The following SREBF2 variants were observed in gnomAD, a reference collection of about 807,000 sequenced individuals.
SREBF2 encodes sterol regulatory element-binding protein 2.
Under a neutral mutation model 113.1 loss-of-function variants are expected in SREBF2, and 55 were observed. That is an observed-to-expected ratio of 0.49 (90% confidence interval 0.39 to 0.61). The LOEUF is 0.61. SREBF2 is among the 20% of genes least tolerant of loss of function. SREBF2 has a pLI of 0.00. For synonymous variants in SREBF2, 593 were observed against 605.7 expected, an observed-to-expected ratio of 0.98 and a Z score of 0.31; for missense variants, 1,349 against 1,487.4, an observed-to-expected ratio of 0.91 and a Z score of 1.53.
In SREBF2 at chr22:41,893,393, G is replaced by A. The variant is rs2077382773; in HGVS notation, c.2377+108G>A. On this transcript the variant is annotated intron_variant, in intron 12 of 18. Coordinates refer to ENST00000361204, the MANE Select transcript of SREBF2 (RefSeq NM_004599.4). ...GAGACACGGGTTGTCTCTTAATCTT[G>A]TTGAGTCCGTTTGTTTGTTTGTTTG... The A allele has an allele frequency of 2.4e-6, 3 of 1,251,360 alleles. No homozygotes were observed. The East Asian group carries it at 7.1e-5, about 29-fold the overall frequency. The allele number at this position is 1,251,360 out of a possible 1,614,324, so 77.5% of individuals were successfully genotyped here. A position where few individuals can be genotyped will look rare whatever the true frequency, so the allele number is the denominator to read the frequency against.
intron 1 of SREBF2, among the ~76,000 whole-genome samples, chr22:41,836,544 TC>T (rs1385869877): frequency 6.6e-6 from 1 of 152,226 alleles, no homozygotes; most frequent in Admixed American, 6.5e-5. Flanking sequence ...ACCCCTGTGT[TC>T]CCATTACTGA....
intron 1 of SREBF2, among the ~76,000 whole-genome samples, chr22:41,862,577 G>C (rs1331762081): frequency 6.6e-6 from 1 of 152,158 alleles, no homozygotes; most frequent in Non-Finnish European, 1.5e-5. Flanking sequence ...ATGGCTCTCT[G>C]TGGAAATGAC....
intron 1 of SREBF2, among the ~76,000 whole-genome samples, chr22:41,857,722 G>A (rs966915405): frequency 2.6e-5 from 4 of 152,140 alleles, no homozygotes; most frequent in African/African-American, 9.7e-5. Context: ...ACTCTTCGCA[G>A]GAAGGTGACC....
chr22:41,833,213 C>G lies in SREBF2; in HGVS notation c.-58C>G, dbSNP rs548470517. ...GGTGTCATGGGCGGTGGCGACGGCA[C>G]CGCCCCCGCGTCTCCCTGAGCGGGA... On this transcript the variant is annotated 5_prime_UTR_variant, in exon 1 of 19. Transcript: ENST00000361204. This position sits in a 1 kb window ranked among gnomAD's most constrained non-coding sequence, Gnocchi z 4.1. 1 of 1,407,348 alleles carries G rather than the reference C, an allele frequency of 7.1e-7. No individual in the cohort carries two copies. Among genetic ancestry groups the G allele is most frequent in the African/African-American group, 1.5e-5 (1 of 67,076 alleles). 87.2% of individuals were successfully genotyped at this position (1,407,348 alleles called of 1,614,324 possible). A position where few individuals can be genotyped will look rare whatever the true frequency, so the allele number is the denominator to read the frequency against.
chr22:41,905,087 C>A, intron 18 of SREBF2, 113 bp downstream of exon 18: 2 of 1,023,720 alleles, frequency 2.0e-6, no homozygotes, highest in African/African-American at 1.6e-5. Context: ...CAGCACACCT[C>A]TCGCCTCTCT....
intron 1 of SREBF2, among the ~76,000 whole-genome samples, chr22:41,841,538 C>T (rs2076830448): frequency 6.6e-6 from 1 of 152,244 alleles, no homozygotes; most frequent in Non-Finnish European, 1.5e-5. Context: ...ACACCCAGGC[C>T]TTTGGCCTAA....
rs781038601 is a variant in SREBF2, at chr22:41,899,096, C to CA, written c.2738+316dup. ...GAAGAGACGAGAGCAGTGTGGCCCC[C>CA]AGCATCTTCAGAAGCTTTGTGGTGG... is the stretch of plus-strand genomic sequence containing the variant. On this transcript the variant is annotated intron_variant, in intron 15 of 18. Coordinates refer to ENST00000361204, the MANE Select transcript of SREBF2 (RefSeq NM_004599.4). 8.7e-4 allele frequency: 594 copies of CA among 685,422 alleles called. 2 individuals carry two copies. Among genetic ancestry groups the CA allele is most frequent in the Non-Finnish European group, 1.2e-3 (550 of 474,558 alleles). The allele number at this position is 685,422 out of a possible 1,614,324, so 42.5% of individuals were successfully genotyped here.
intron 1 of SREBF2, among the ~76,000 whole-genome samples, chr22:41,841,619 G>C (rs911122591): frequency 4.6e-5 from 7 of 151,852 alleles, no homozygotes; most frequent in South Asian, 2.1e-4. Flanking sequence ...TCATATTTTG[G>C]CATTTTAAAA....
chr22:41,870,294 A>C (rs1054934383), intron 3 of SREBF2, among the ~76,000 whole-genome samples: 5 of 152,164 alleles, frequency 3.3e-5, no homozygotes, highest in Non-Finnish European at 7.4e-5. Flanking sequence ...CTGCTGGGCC[A>C]CTGGCACCAC....
In SREBF2 at chr22:41,875,695, C is replaced by T. The variant is rs751580700; in HGVS notation, c.1357C>T (p.Pro453Ser). 2 of 1,614,202 alleles carry T rather than the reference C, an allele frequency of 1.2e-6. No individual in the cohort carries two copies. The highest frequency in any genetic ancestry group is 1.7e-6 in the Non-Finnish European group (2 of 1,180,036). ...GFSPYSIDSE[P>S]GSPLLDDAKV... The stretch of plus-strand genomic sequence containing the variant: ...CTCTCCCTACTCCATTGACTCTGAG[C>T]CAGGAAGCCCTCTATTGGATGATGC... The change falls in exon 7 of 19, where the codon CCA becomes TCA. Residue 453 changes from proline (P) to serine (S), a missense_variant. By Grantham distance (74) the Pro-to-Ser change is moderately conservative. Coordinates refer to ENST00000361204, the MANE Select transcript of SREBF2 (RefSeq NM_004599.4).
At chr22:41,903,887 T>G (rs1441874759) in intron 17 of SREBF2, among the ~76,000 whole-genome samples, 1 of 152,134 alleles carries the variant, frequency 6.6e-6, no homozygotes, top group Non-Finnish European at 1.5e-5. Context: ...GGCCACTGTG[T>G]GCAGCAAGCC....
intron 1 of SREBF2, among the ~76,000 whole-genome samples, chr22:41,837,546 A>C (rs1463879673): frequency 7.5e-6 from 1 of 132,978 alleles, no homozygotes; most frequent in Non-Finnish European, 1.6e-5. Flanking sequence ...CAACAGAATG[A>C]GACTCTGTCT....
intron 11 of SREBF2, among the ~76,000 whole-genome samples, chr22:41,890,856 C>G (rs191058371): frequency 6.6e-6 from 1 of 151,152 alleles, no homozygotes; most frequent in East Asian, 1.9e-4. Flanking sequence ...TGCAGTGAGC[C>G]AAGATCACAC....
chr22:41,902,237 C>T (rs1368039797), intron 16 of SREBF2, among the ~76,000 whole-genome samples: 2 of 152,216 alleles, frequency 1.3e-5, no homozygotes, highest in African/African-American at 4.8e-5. Context: ...CGGTGTCGTG[C>T]AGGTGTGCCA....
chr22:41,893,232 G>C lies in SREBF2; in HGVS notation c.2324G>C (p.Trp775Ser). Residue 775 changes from tryptophan (W) to serine (S), a missense_variant, in exon 12 of 19, where the codon TGG becomes TCG. Transcript: ENST00000361204. ...CAGAAGTTTTTCATGGAGCGGAGCTGGTCTGTGAAGTCAGCTGCCAAGGAG... is the reference window on the plus strand; with the variant it reads ...CAGAAGTTTTTCATGGAGCGGAGCTCGTCTGTGAAGTCAGCTGCCAAGGAG... Reference protein sequence around the residue: ...LGQKFFMERSWSVKSAAKESL... With the variant: ...LGQKFFMERSSSVKSAAKESL... 1 of 1,614,196 alleles carries C rather than the reference G, an allele frequency of 6.2e-7. No homozygotes were observed. Among genetic ancestry groups the C allele is most frequent in the Middle Eastern group, 1.7e-4 (1 of 6,060 alleles).
intron 16 of SREBF2, 141 bp from the exon 17 acceptor site, chr22:41,902,829 A>G: frequency 1.1e-6 from 1 of 904,764 alleles, no homozygotes; most frequent in Non-Finnish European, 1.8e-6. Flanking sequence ...CGTCCTGCGG[A>G]GTTCACCAGA....
intron 9 of SREBF2, chr22:41,878,786 T>C: frequency 7.9e-7 from 1 of 1,262,188 alleles, no homozygotes; most frequent in Non-Finnish European, 1.1e-6. Context: ...CCTCCCCACC[T>C]CTGCAAGCTG....
rs1346929407 is a variant in SREBF2, at chr22:41,898,749, G to C, written c.2706G>C (p.Val902=). Residue 902 remains valine, a synonymous_variant, in exon 15 of 19, where the codon GTG becomes GTC. Coordinates refer to ENST00000361204, the MANE Select transcript of SREBF2 (RefSeq NM_004599.4). The part of the protein sequence containing the change: ...DAAVRSHFTK[V]ERIPKALEVT... Reference sequence around the variant, plus strand: ...CTGTGCGCTCTCATTTTACCAAAGTGGAACGCATCCCCAAGGCCCTGGAAG... The same window carrying C: ...CTGTGCGCTCTCATTTTACCAAAGTCGAACGCATCCCCAAGGCCCTGGAAG... The C allele has an allele frequency of 1.2e-6, 2 of 1,614,154 alleles. No homozygotes were observed. The highest frequency in any genetic ancestry group is 1.7e-6 in the Non-Finnish European group (2 of 1,180,030).
chr22:41,851,879 G>T (rs1270156394), intron 1 of SREBF2, among the ~76,000 whole-genome samples: 1 of 151,914 alleles, frequency 6.6e-6, no homozygotes, highest in East Asian at 1.9e-4. Flanking sequence ...CCAGCACTTT[G>T]TGGGGCCAAG....
Sources: gnomAD v4.1 joint callset for allele counts (sites outside exome capture counted in the v4.1 genomes callset) on GRCh38, gnomAD v4.1.1 for gene constraint, Gnocchi (gnomAD v3.1) non-coding constraint, MANE v1.5 for transcripts, NCBI Gene and HGNC (gene_info 2026-07-23, HGNC 2026-07-21) for gene names.